The following RNF180 variants were observed in gnomAD, a reference collection of about 807,000 sequenced individuals.
RNF180 encodes the protein E3 ubiquitin-protein ligase RNF180.
A neutral mutation model predicts 59.2 loss-of-function variants in RNF180; 38 were observed. That is an observed-to-expected ratio of 0.64 (90% CI 0.50 to 0.84). The LOEUF (loss-of-function observed/expected upper bound fraction) is 0.84. Ranked by LOEUF, RNF180 falls within the 40% of genes least tolerant of loss-of-function variation. The pLI is 0.00. For synonymous variants in RNF180, 262 were observed against 240.3 expected (o/e 1.09, Z -0.84); for missense variants, 705 against 700.9 (o/e 1.01, Z -0.07).
intron 7 of RNF180, among the ~76,000 whole-genome samples, chr5:64,361,931 A>G (rs999082920): frequency 6.6e-6 from 1 of 151,444 alleles, no homozygotes; most frequent in African/African-American, 2.4e-5. Flanking sequence ...TGGACAAAAA[A>G]AATCTTGGAT....
At chr5:64,197,795 T>C (rs1751533542) in intron 1 of RNF180, among the ~76,000 whole-genome samples, 1 of 152,192 alleles carries the variant, frequency 6.6e-6, no homozygotes, top group Non-Finnish European at 1.5e-5. Flanking sequence ...ATTGGCAAAC[T>C]GTATATTCAG....
intron 5 of RNF180, among the ~76,000 whole-genome samples, chr5:64,224,097 G>GTGT (rs1011386889): frequency 1.2e-4 from 18 of 151,484 alleles, no homozygotes; most frequent in African/African-American, 4.1e-4. Flanking sequence ...GTGTGTGTGT[G>GTGT]TGTGTGTACA....
chr5:64,261,040 C>A (rs1413678188), intron 5 of RNF180, among the ~76,000 whole-genome samples: 1 of 150,896 alleles, frequency 6.6e-6, no homozygotes, highest in Non-Finnish European at 1.5e-5. Context: ...TAGGAAAAAA[C>A]CTAAAGAAGA....
At chr5:64,357,023 G>C (rs931686327) in intron 7 of RNF180, among the ~76,000 whole-genome samples, 1 of 151,644 alleles carries the variant, frequency 6.6e-6, no homozygotes, top group South Asian at 2.1e-4. Flanking sequence ...TTTTAAAAAA[G>C]CAGTATTCAA....
At chr5:64,304,444 A>G (rs1257657126) in intron 5 of RNF180, among the ~76,000 whole-genome samples, 1 of 151,540 alleles carries the variant, frequency 6.6e-6, no homozygotes, top group Admixed American at 6.6e-5. Flanking sequence ...GTCCTATGAG[A>G]GGGTGCAAAT....
intron 5 of RNF180, among the ~76,000 whole-genome samples, chr5:64,256,426 C>A (rs1440842829): frequency 6.6e-6 from 1 of 152,174 alleles, no homozygotes; most frequent in Non-Finnish European, 1.5e-5. Flanking sequence ...ATATGGCTAG[C>A]CAGTTTCCCC....
intron 5 of RNF180, among the ~76,000 whole-genome samples, chr5:64,306,587 A>G (rs763973602): frequency 1.3e-4 from 20 of 151,782 alleles, no homozygotes; most frequent in Non-Finnish European, 2.4e-4. Context: ...ATGTCCAACA[A>G]TGATAGACTG....
intron 5 of RNF180, among the ~76,000 whole-genome samples, chr5:64,248,999 C>T (rs1743377339): frequency 6.6e-6 from 1 of 152,136 alleles, no homozygotes; most frequent in Non-Finnish European, 1.5e-5. Flanking sequence ...CAGACTAACA[C>T]AGGAATAGAA....
intron 5 of RNF180, among the ~76,000 whole-genome samples, chr5:64,283,176 G>T (rs1022145522): frequency 6.6e-6 from 1 of 152,168 alleles, no homozygotes. Context: ...GAATCTGGGT[G>T]CTCCAGTATT....
intron 6 of RNF180, among the ~76,000 whole-genome samples, chr5:64,329,031 A>G (rs1001230932): frequency 5.9e-5 from 9 of 151,980 alleles, no homozygotes. Context: ...TATGTTCTCC[A>G]GTTGGTCTGT....
chr5:64,173,717 C>CTTTTTTTT (rs113698456), intron 1 of RNF180, among the ~76,000 whole-genome samples: 4 of 140,066 alleles, frequency 2.9e-5, no homozygotes, highest in Non-Finnish European at 4.7e-5. Context: ...ATAGCATCAA[C>CTTTTTTTT]TTTTTTTTTT....
intron 7 of RNF180, among the ~76,000 whole-genome samples, chr5:64,352,079 A>C (rs1745839014): frequency 6.6e-6 from 1 of 151,812 alleles, no homozygotes; most frequent in African/African-American, 2.4e-5. Context: ...TCAATTTCAG[A>C]GCCTGTTATT....
chr5:64,275,029 A>G (rs10075861), intron 5 of RNF180, among the ~76,000 whole-genome samples: 26,989 of 151,782 alleles, frequency 0.18, 2,532 homozygotes, highest in Middle Eastern at 0.26. Flanking sequence ...AAAACTGTCA[A>G]ATTTGGAATG....
intron 5 of RNF180, among the ~76,000 whole-genome samples, chr5:64,219,369 T>A (rs1021400533): frequency 6.4e-5 from 5 of 78,138 alleles, no homozygotes; most frequent in African/African-American, 2.8e-4. Flanking sequence ...TTTTTGAGGA[T>A]TTTTTATGCC....
chr5:64,355,574 C>A (rs540663126), intron 7 of RNF180, among the ~76,000 whole-genome samples: 1 of 151,786 alleles, frequency 6.6e-6, no homozygotes, highest in Admixed American at 6.6e-5. Flanking sequence ...TCAAATTCAT[C>A]CAGAATTTTA....
chr5:64,228,886 T>C (rs1741934464), intron 5 of RNF180, among the ~76,000 whole-genome samples: 2 of 150,104 alleles, frequency 1.3e-5, no homozygotes, highest in African/African-American at 4.9e-5. Context: ...AATTGAATGA[T>C]AATCCATGAC....
intron 7 of RNF180, among the ~76,000 whole-genome samples, chr5:64,332,039 G>C (rs1054629881): frequency 6.6e-6 from 1 of 152,156 alleles, no homozygotes. Flanking sequence ...TGTGCACAGT[G>C]GCTGGACCTC....
At chr5:64,293,411 A>C (rs1441434760) in intron 5 of RNF180, among the ~76,000 whole-genome samples, 1 of 152,066 alleles carries the variant, frequency 6.6e-6, no homozygotes, top group African/African-American at 2.4e-5. Flanking sequence ...GCTGCTTCTA[A>C]TCGGCCACCT....
At chr5:64,250,484 G>GT (rs1743496683) in intron 5 of RNF180, among the ~76,000 whole-genome samples, 11 of 152,038 alleles carry the variant, frequency 7.2e-5, no homozygotes, top group South Asian at 2.1e-4. Context: ...AAATATTGGG[G>GT]GTTTTTTTAA....
Sources: gnomAD v4.1 joint callset for allele counts (sites outside exome capture counted in the v4.1 genomes callset) on GRCh38, gnomAD v4.1.1 for gene constraint, MANE v1.5 for transcripts, NCBI Gene and HGNC (gene_info 2026-07-23, HGNC 2026-07-21) for gene names.